Variants in GRIK1 observed in about 807,000 individuals in gnomAD.
GRIK1 encodes glutamate receptor ionotropic, kainate 1.
A neutral mutation model predicts 105.7 loss-of-function variants in GRIK1; 69 were observed. That is an observed-to-expected ratio of 0.65 (90% CI 0.54 to 0.80). GRIK1 has a LOEUF of 0.80. Ranked by LOEUF, GRIK1 falls within the 30% of genes least tolerant of loss-of-function variation. The probability of loss-of-function intolerance (pLI) is 0.00; values close to 1 mark genes in which losing one functional copy is unlikely to be tolerated. For missense variants in GRIK1, 1,109 were observed against 1,167.3 expected, an observed-to-expected ratio of 0.95 and a Z score of 0.73; for synonymous variants, 438 against 431.3, an observed-to-expected ratio of 1.02 and a Z score of -0.19.
intron 1 of GRIK1, among the ~76,000 whole-genome samples, chr21:29,841,116 T>C (rs1386100608): frequency 1.3e-5 from 2 of 152,186 alleles, no homozygotes; most frequent in African/African-American, 4.8e-5. Context: ...CACATTTTAA[T>C]TTTTATGATA....
chr21:29,731,329 A>G (rs1317938170), intron 1 of GRIK1, among the ~76,000 whole-genome samples: 1 of 152,180 alleles, frequency 6.6e-6, no homozygotes, highest in Non-Finnish European at 1.5e-5. Context: ...AGCATCCCCA[A>G]AAAACTGTTG....
chr21:29,558,135 G>A (rs987950455), intron 15 of GRIK1, among the ~76,000 whole-genome samples: 9 of 152,198 alleles, frequency 5.9e-5, no homozygotes, highest in African/African-American at 1.9e-4. Context: ...CTGTTGTCCT[G>A]AGTGTCTCTA....
At chr21:29,910,825 G>T (rs1025637784) in intron 1 of GRIK1, among the ~76,000 whole-genome samples, 5 of 151,924 alleles carry the variant, frequency 3.3e-5, no homozygotes, top group African/African-American at 1.2e-4. Flanking sequence ...GTGTAATATA[G>T]AATGCTGTTT....
intron 7 of GRIK1, among the ~76,000 whole-genome samples, chr21:29,620,798 T>G (rs552414988): frequency 0.027 from 2,938 of 107,556 alleles, 88 homozygotes; most frequent in South Asian, 0.088. Flanking sequence ...TATATCTATA[T>G]ATATATAGAT....
intron 4 of GRIK1, among the ~76,000 whole-genome samples, chr21:29,664,454 G>A (rs1262488287): frequency 6.6e-6 from 1 of 152,100 alleles, no homozygotes; most frequent in East Asian, 1.9e-4. Flanking sequence ...CAAATAATGT[G>A]ACATATGTAC....
chr21:29,927,076 G>T (rs2071393710), intron 1 of GRIK1, among the ~76,000 whole-genome samples: 1 of 152,090 alleles, frequency 6.6e-6, no homozygotes, highest in Non-Finnish European at 1.5e-5. Flanking sequence ...TAACAAATTG[G>T]CATGGTCTGT....
chr21:29,710,816 CT>C (rs2064031156), intron 1 of GRIK1, among the ~76,000 whole-genome samples: 1 of 115,714 alleles, frequency 8.6e-6, no homozygotes, highest in African/African-American at 3.3e-5. Flanking sequence ...TCCTTCCTTC[CT>C]TCCTTCCTTC....
In GRIK1 at chr21:29,590,644, T is replaced by C. The variant is rs549150332; in HGVS notation, c.1365+468A>G. The stretch of plus-strand genomic sequence containing the variant: ...AGGGAGGAAAGAATACTCCTGAAGC[T>C]CAGTGCAGCTGGACCCTAAAAACAG... On this transcript the variant is annotated intron_variant, in intron 10 of 17. Transcript: ENST00000327783. Among the ~76,000 whole-genome samples, 143 of 152,262 alleles carry C rather than the reference T, an allele frequency of 9.4e-4. 1 individual carries two copies. Among genetic ancestry groups the C allele is most frequent in the Admixed American group, 3.3e-3 (50 of 15,292 alleles).
intron 1 of GRIK1, among the ~76,000 whole-genome samples, chr21:29,735,817 A>T (rs2064775958): frequency 6.9e-6 from 1 of 145,134 alleles, no homozygotes. Context: ...ACTGCACTCC[A>T]GCCTGGGCGA....
At chr21:29,855,142 T>C (rs2068425740) in intron 1 of GRIK1, among the ~76,000 whole-genome samples, 3 of 152,300 alleles carry the variant, frequency 2.0e-5, no homozygotes, top group South Asian at 2.1e-4. Flanking sequence ...ATCAAACTAG[T>C]ATGTATTGGA....
chr21:29,564,018 A>G (rs1202512733), intron 14 of GRIK1, among the ~76,000 whole-genome samples: 1 of 152,220 alleles, frequency 6.6e-6, no homozygotes, highest in Non-Finnish European at 1.5e-5. Context: ...ATGTGAAAAT[A>G]TAGCTTTTAT....
Position 29,679,453 on chromosome 21 carries a change from A to G in GRIK1, c.545-6289T>C, listed in dbSNP as rs142962070. Among the ~76,000 whole-genome samples, 420 of 152,304 alleles carry G rather than the reference A, an allele frequency of 2.8e-3. 3 individuals are homozygous for G. The highest frequency in any genetic ancestry group is 9.6e-3 in the African/African-American group (401 of 41,560). On this transcript the variant is annotated intron_variant, in intron 3 of 17. Coordinates refer to ENST00000327783, the MANE Select transcript of GRIK1 (RefSeq NM_001330994.2). The stretch of plus-strand genomic sequence containing the variant: ...TTGATGTACTCATCCCGTCCTATCT[A>G]TAGGCTGAGGCCACTCAAATTTGTG...
intron 1 of GRIK1, among the ~76,000 whole-genome samples, chr21:29,790,035 A>ATATT (rs879602252): frequency 2.0e-5 from 3 of 152,116 alleles, no homozygotes; most frequent in Admixed American, 6.6e-5. Flanking sequence ...GTCTCCTTTA[A>ATATT]TATTTATTTA....
At chr21:29,581,289 A>G in intron 13 of GRIK1, 136 bp downstream of exon 13, 3 of 649,186 alleles carry the variant, frequency 4.6e-6, no homozygotes, top group East Asian at 2.6e-5. Context: ...AACCGGCTAG[A>G]AAGTCCGTTG....
chr21:29,765,076 A>G (rs1486244309), intron 1 of GRIK1, among the ~76,000 whole-genome samples: 1 of 152,212 alleles, frequency 6.6e-6, no homozygotes, highest in Non-Finnish European at 1.5e-5. Flanking sequence ...CCTTTAAAAG[A>G]TCATGACCTC....
chr21:29,547,286 G>T (rs2090065029), intron 16 of GRIK1, among the ~76,000 whole-genome samples: 1 of 152,202 alleles, frequency 6.6e-6, no homozygotes. Context: ...AGGCCTTTCT[G>T]CCTTGAAGTA....
At position 29,673,122 on chromosome 21, in the gene GRIK1, T is replaced by A; in HGVS notation, c.587A>T (p.Tyr196Phe). ...CTGGCGGATTTTGATTTTAATATTATATCTGGAGGGAGCTTTGATGAGCTC... is the reference window on the plus strand; with the variant it reads ...CTGGCGGATTTTGATTTTAATATTAAATCTGGAGGGAGCTTTGATGAGCTC... ...LQELIKAPSR[Y>F]NIKIKIRQLP... is the part of the protein sequence containing the mutation. Residue 196 changes from tyrosine to phenylalanine, a missense_variant, in exon 4 of 18, where the codon TAT becomes TTT. Around this residue, in one of 5 missense-constraint regions of GRIK1, gnomAD observed 612 missense variants for 586.0 expected, o/e 1.04. Coordinates refer to ENST00000327783, the MANE Select transcript of GRIK1 (RefSeq NM_001330994.2). 2 of 1,612,696 alleles carry A rather than the reference T, an allele frequency of 1.2e-6. No homozygotes were observed. Among genetic ancestry groups the A allele is most frequent in the South Asian group, 2.2e-5 (2 of 91,036 alleles).
chr21:29,681,933 T>C (rs953475106), intron 3 of GRIK1, among the ~76,000 whole-genome samples: 2 of 152,168 alleles, frequency 1.3e-5, no homozygotes, highest in Non-Finnish European at 2.9e-5. Context: ...CAATTTGTGT[T>C]TTAGAAAAGC....
intron 7 of GRIK1, among the ~76,000 whole-genome samples, chr21:29,606,018 CAAAAA>C (rs34512911): frequency 7.8e-6 from 1 of 127,984 alleles, no homozygotes; most frequent in African/African-American, 2.6e-5. Flanking sequence ...GAAAATGAAG[CAAAAA>C]AAAAAAAAAA....
Sources: allele counts gnomAD v4.1 joint callset (sites outside exome capture counted in the v4.1 genomes callset), GRCh38; gene constraint gnomAD v4.1.1; regional missense constraint gnomAD v4.1.1; transcripts MANE v1.5; gene names NCBI Gene and HGNC (gene_info 2026-07-23, HGNC 2026-07-21).